The following ATG10 variants were observed in gnomAD, a reference collection of about 807,000 sequenced individuals.
The protein encoded by ATG10 is autophagy related 10.
Under a neutral mutation model 32.1 loss-of-function variants are expected in ATG10, and 30 were observed. The observed-to-expected ratio is 0.94, with a 90% CI of 0.70 to 1.27. The LOEUF (loss-of-function observed/expected upper bound fraction) is 1.27, where lower values mean the gene tolerates loss of function less well. Ranked by LOEUF, ATG10 falls within the 50% of genes most tolerant of loss-of-function variation. The pLI, the probability that ATG10 is intolerant of heterozygous loss-of-function variation, is 0.00. For missense variants in ATG10, 233 were observed against 262.3 expected, an observed-to-expected ratio of 0.89 and a Z score of 0.77; for synonymous variants, 87 against 91.5, an observed-to-expected ratio of 0.95 and a Z score of 0.28.
intron 5 of ATG10, among the ~76,000 whole-genome samples, chr5:82,200,167 TG>T (rs1257860426): frequency 3.3e-5 from 5 of 152,168 alleles, no homozygotes; most frequent in African/African-American, 7.2e-5. Context: ...GTAAGATTTC[TG>T]GTCTATATGA....
At chr5:81,991,993 A>G (rs905513901) in intron 2 of ATG10, 2 of 149,660 alleles carry the variant, frequency 1.3e-5, no homozygotes, top group South Asian at 2.1e-4. Flanking sequence ...TGCCTGGCTA[A>G]TTTTTTTTTT....
intron 5 of ATG10, among the ~76,000 whole-genome samples, chr5:82,244,282 A>C (rs1236861539): frequency 2.0e-5 from 3 of 152,176 alleles, no homozygotes; most frequent in Non-Finnish European, 4.4e-5. Flanking sequence ...GAAGTCAGGA[A>C]CTATCTTAGA....
At position 82,255,093 on chromosome 5, in the gene ATG10, T is replaced by C. The variant is rs971277849; in HGVS notation, c.*1030T>C. 5 of 152,288 alleles carry C rather than the reference T, an allele frequency of 3.3e-5. No homozygotes were observed. In the East Asian group the frequency reaches 5.8e-4, roughly 18 times the overall value. 9.4% of individuals were successfully genotyped at this position (152,288 alleles called of 1,614,324 possible). A position where few individuals can be genotyped will look rare whatever the true frequency, so the allele number is the denominator to read the frequency against. ...TTTTTGACCTATAGTAATAAAACAA[T>C]GGTCATTTTACCCCTCTGCTTCTCA... is the stretch of plus-strand genomic sequence containing the variant. On this transcript the variant is annotated 3_prime_UTR_variant, in exon 8 of 8. Coordinates refer to ENST00000282185, the MANE Select transcript of ATG10 (RefSeq NM_031482.5).
At chr5:82,252,456 T>G (rs1253452876) in intron 5 of ATG10, 106 bp from the exon 6 acceptor site, 1 of 717,972 alleles carries the variant, frequency 1.4e-6, no homozygotes, top group African/African-American at 1.8e-5. Context: ...ATTCAATAAC[T>G]TGGAATTTGA....
At chr5:81,983,988 G>A (rs1258242184) in intron 1 of ATG10, among the ~76,000 whole-genome samples, 1 of 151,472 alleles carries the variant, frequency 6.6e-6, no homozygotes, top group African/African-American at 2.4e-5. Flanking sequence ...ATGGGATGGC[G>A]GCCGGGCAGA....
intron 5 of ATG10, among the ~76,000 whole-genome samples, chr5:82,179,905 T>C (rs1225381861): frequency 6.6e-6 from 1 of 152,116 alleles, no homozygotes; most frequent in Non-Finnish European, 1.5e-5. Context: ...AAACTAGCTT[T>C]AGGTATTTGT....
chr5:82,199,228 T>A (rs1744974159), intron 5 of ATG10, among the ~76,000 whole-genome samples: 1 of 152,244 alleles, frequency 6.6e-6, no homozygotes, highest in Non-Finnish European at 1.5e-5. Flanking sequence ...ATTTACTGAT[T>A]TTTGGTCGAT....
intron 3 of ATG10, among the ~76,000 whole-genome samples, chr5:82,114,212 A>G (rs1765706165): frequency 1.3e-5 from 2 of 152,032 alleles, no homozygotes; most frequent in African/African-American, 2.4e-5. Flanking sequence ...AATATCTTAT[A>G]TGTATGATTG....
At chr5:81,984,622 A>G (rs2149663042) in intron 1 of ATG10, among the ~76,000 whole-genome samples, 1 of 152,358 alleles carries the variant, frequency 6.6e-6, no homozygotes, top group South Asian at 2.1e-4. Flanking sequence ...TATTCTTGCC[A>G]TTATTGCTCA....
At chr5:82,176,864 A>G (rs1255918071) in intron 4 of ATG10, among the ~76,000 whole-genome samples, 3 of 152,200 alleles carry the variant, frequency 2.0e-5, no homozygotes. Context: ...GATAAATGCC[A>G]AGATGAAGAT....
intron 3 of ATG10, among the ~76,000 whole-genome samples, chr5:82,146,002 T>C (rs576397097): frequency 5.3e-4 from 80 of 152,266 alleles, no homozygotes; most frequent in African/African-American, 1.9e-3. Flanking sequence ...CCACCGCGCC[T>C]GGCCAAACAT....
At chr5:82,221,791 A>C (rs1448934786) in intron 5 of ATG10, among the ~76,000 whole-genome samples, 2 of 152,222 alleles carry the variant, frequency 1.3e-5, no homozygotes, top group African/African-American at 2.4e-5. Context: ...TCAGACTGTT[A>C]TGTGCTAGAG....
chr5:81,998,669 G>C (rs1279165876), intron 2 of ATG10, among the ~76,000 whole-genome samples: 2 of 151,988 alleles, frequency 1.3e-5, no homozygotes, highest in African/African-American at 4.8e-5. Flanking sequence ...ACATCCATAG[G>C]CTCAAAGTAA....
intron 2 of ATG10, among the ~76,000 whole-genome samples, chr5:82,019,956 A>C (rs747194115): frequency 2.0e-5 from 3 of 152,224 alleles, no homozygotes; most frequent in Non-Finnish European, 4.4e-5. Flanking sequence ...CAGTTGTAGA[A>C]GGGGGATGGT....
intron 3 of ATG10, among the ~76,000 whole-genome samples, chr5:82,094,023 A>G (rs574841359): frequency 1.3e-5 from 2 of 152,196 alleles, no homozygotes; most frequent in African/African-American, 4.8e-5. Flanking sequence ...TTCTTTCCTT[A>G]TACACATGAG....
intron 5 of ATG10, among the ~76,000 whole-genome samples, chr5:82,245,363 ATT>A (rs1746982822): frequency 6.6e-6 from 1 of 152,182 alleles, no homozygotes; most frequent in East Asian, 1.9e-4. Context: ...ATCCACATTG[ATT>A]GTCTGCACCG....
chr5:82,003,151 A>G (rs1019307610), intron 2 of ATG10, among the ~76,000 whole-genome samples: 2 of 152,194 alleles, frequency 1.3e-5, no homozygotes, highest in Non-Finnish European at 2.9e-5. Flanking sequence ...GTACTTATGT[A>G]TTTATGTTAA....
chr5:82,166,696 C>CT (rs1743597856), intron 4 of ATG10, among the ~76,000 whole-genome samples: 1 of 151,818 alleles, frequency 6.6e-6, no homozygotes, highest in South Asian at 2.1e-4. Flanking sequence ...AAACAAATCT[C>CT]TGTCAGTGTG....
intron 3 of ATG10, among the ~76,000 whole-genome samples, chr5:82,062,409 C>G (rs1413822630): frequency 6.6e-6 from 1 of 152,036 alleles, no homozygotes; most frequent in Non-Finnish European, 1.5e-5. Flanking sequence ...GAGTGCTAGA[C>G]TTGGAGATAG....
Sources: gnomAD v4.1 joint callset for allele counts (sites outside exome capture counted in the v4.1 genomes callset) on GRCh38, gnomAD v4.1.1 for gene constraint, MANE v1.5 for transcripts, NCBI Gene and HGNC (gene_info 2026-07-23, HGNC 2026-07-21) for gene names.